Variants in DNAJC5 observed in about 807,000 individuals in gnomAD.
DNAJC5 encodes dnaJ homolog subfamily C member 5.
Under a neutral mutation model 23.2 loss-of-function variants are expected in DNAJC5, and 1 was observed. The ratio of observed to expected loss-of-function variants is 0.04; its 90% CI spans 0.02 to 0.20. The LOEUF is 0.20. Ranked by LOEUF, DNAJC5 falls within the 10% of genes least tolerant of loss-of-function variation. The pLI, the probability that DNAJC5 is intolerant of heterozygous loss-of-function variation, is 1.00. For synonymous variants in DNAJC5, 136 were observed against 120.0 expected (o/e 1.13, Z -0.87); for missense variants, 180 against 267.0 (o/e 0.67, Z 2.27).
intron 1 of DNAJC5, among the ~76,000 whole-genome samples, chr20:63,914,032 G>A (rs1460378336): frequency 6.6e-6 from 1 of 152,068 alleles, no homozygotes; most frequent in African/African-American, 2.4e-5. Flanking sequence ...ATCTTGGGGG[G>A]ACCACAGGAG....
intron 1 of DNAJC5, among the ~76,000 whole-genome samples, chr20:63,899,885 T>G (rs1200436733): frequency 1.4e-5 from 2 of 145,782 alleles, no homozygotes; most frequent in African/African-American, 5.1e-5. Flanking sequence ...CTGGGCTTTT[T>G]TTTTTTTTTT....
intron 1 of DNAJC5, among the ~76,000 whole-genome samples, chr20:63,905,268 A>G (rs2053440524): frequency 1.3e-5 from 2 of 150,594 alleles, no homozygotes; most frequent in Admixed American, 1.3e-4. Context: ...GGTGTGCACC[A>G]CCATGCCCGG....
intron 1 of DNAJC5, among the ~76,000 whole-genome samples, chr20:63,921,242 A>T (rs1309094436): frequency 6.6e-6 from 1 of 152,058 alleles, no homozygotes. Context: ...TACAAGCTTG[A>T]GCCACCGTGC....
intron 1 of DNAJC5, among the ~76,000 whole-genome samples, chr20:63,910,862 G>A (rs1483920526): frequency 2.0e-5 from 3 of 151,890 alleles, no homozygotes; most frequent in East Asian, 1.9e-4. Context: ...TAGTAGAGAC[G>A]GGGGTTCACC....
intron 1 of DNAJC5, chr20:63,919,387 C>T (rs529743067): frequency 2.4e-5 from 12 of 493,684 alleles, no homozygotes; most frequent in South Asian, 1.5e-4. Flanking sequence ...AGGACGCACC[C>T]GGCTGTGTGG....
intron 1 of DNAJC5, among the ~76,000 whole-genome samples, chr20:63,897,277 C>A (rs554904748): frequency 1.1e-4 from 17 of 152,200 alleles, no homozygotes; most frequent in African/African-American, 3.9e-4. Flanking sequence ...GCCTGTAATC[C>A]CAGCTACTAG....
At chr20:63,905,344 G>A (rs879539560) in intron 1 of DNAJC5, among the ~76,000 whole-genome samples, 3 of 151,984 alleles carry the variant, frequency 2.0e-5, no homozygotes, top group Non-Finnish European at 4.4e-5. Flanking sequence ...TCGACCTCCT[G>A]ACCTCAAGTG....
At chr20:63,918,020 C>T (rs971410356) in intron 1 of DNAJC5, among the ~76,000 whole-genome samples, 3 of 152,188 alleles carry the variant, frequency 2.0e-5, no homozygotes, top group Non-Finnish European at 2.9e-5. Flanking sequence ...GTCCGCCCTT[C>T]GCCACCCACC....
intron 1 of DNAJC5, among the ~76,000 whole-genome samples, chr20:63,902,904 C>T (rs937045271): frequency 3.3e-5 from 5 of 151,706 alleles, no homozygotes; most frequent in African/African-American, 1.2e-4. Flanking sequence ...GTCTCGATCT[C>T]CTGACCTCGT....
rs552870087 is a variant in DNAJC5, at chr20:63,934,491, C to T, written c.*2923C>T. 1 of 152,376 alleles carries T rather than the reference C, an allele frequency of 6.6e-6. No individual in the cohort carries two copies. Among genetic ancestry groups the T allele is most frequent in the Non-Finnish European group, 1.5e-5 (1 of 68,066 alleles). The allele number at this position is 152,376 out of a possible 1,614,324, so 9.4% of individuals were successfully genotyped here. On this transcript the variant is annotated 3_prime_UTR_variant, in exon 5 of 5. Transcript: ENST00000360864. ...CGTGCTTTGAGGCCCGTCCGGTTCACGAGGGGGTCCGGGCAGCACTGACTG... is the reference window on the plus strand; with the variant it reads ...CGTGCTTTGAGGCCCGTCCGGTTCATGAGGGGGTCCGGGCAGCACTGACTG...
Position 63,929,635 on chromosome 20 carries a change from C to G in DNAJC5, c.321+110C>G. The G allele has an allele frequency of 9.7e-7, 1 of 1,027,648 alleles. No homozygotes were observed. The highest frequency in any genetic ancestry group is 1.5e-6 in the Non-Finnish European group (1 of 684,170). 63.7% of individuals were successfully genotyped at this position (1,027,648 alleles called of 1,614,324 possible). On this transcript the variant is annotated intron_variant, in intron 3 of 4. Transcript: ENST00000360864. This position sits in a 1 kb window ranked among gnomAD's most constrained non-coding sequence, Gnocchi z 8.6. ...GAGTCACTCCTGCCGTGCGGGCACC[C>G]GAGTCTCTCCTGCCGTGCGGGCACC...
chr20:63,906,326 A>T (rs773192174), intron 1 of DNAJC5, among the ~76,000 whole-genome samples: 3 of 151,944 alleles, frequency 2.0e-5, no homozygotes, highest in Admixed American at 2.0e-4. Flanking sequence ...TTCCATCTCT[A>T]CTAAAAATAT....
rs79417639 is a variant in DNAJC5, at chr20:63,904,565, G to A, written c.-12+9242G>A. On this transcript the variant is annotated intron_variant, in intron 1 of 4. Transcript: ENST00000360864. ...TAGTGTGTCTGACCTCCAGGTGGGC[G>A]GACTGAGATGCGTGCAGGTGTTCAT... is the stretch of plus-strand genomic sequence containing the variant. 3.9e-3 allele frequency among the ~76,000 whole-genome samples: 601 copies of A among 152,240 alleles called. 3 individuals are homozygous for A. The highest frequency in any genetic ancestry group is 0.013 in the African/African-American group (547 of 41,542).
At chr20:63,917,485 T>C (rs2053522703) in intron 1 of DNAJC5, among the ~76,000 whole-genome samples, 1 of 152,156 alleles carries the variant, frequency 6.6e-6, no homozygotes, top group Non-Finnish European at 1.5e-5. Flanking sequence ...ACTCCTGAGC[T>C]CAAGTGACAT....
chr20:63,904,503 A>C (rs2053434631), intron 1 of DNAJC5, among the ~76,000 whole-genome samples: 1 of 152,170 alleles, frequency 6.6e-6, no homozygotes, highest in Admixed American at 6.5e-5. Flanking sequence ...ATAGAATCTG[A>C]AGTGGCCTTG....
chr20:63,931,949 G>A lies in DNAJC5; in HGVS notation c.*381G>A, dbSNP rs560493837. The A allele has an allele frequency of 9.2e-5, 33 of 358,014 alleles. No individual in the cohort carries two copies. In the East Asian group the frequency reaches 2.4e-3, roughly 26 times the overall value. 22.2% of individuals were successfully genotyped at this position (358,014 alleles called of 1,614,324 possible). A position where few individuals can be genotyped will look rare whatever the true frequency, so the allele number is the denominator to read the frequency against. ...GGTCAGGTGGGCGAGGAGAAGGGGG[G>A]CTGCCCCTTTCCTACCTGTGCTTGA... On this transcript the variant is annotated 3_prime_UTR_variant, in exon 5 of 5. Transcript: ENST00000360864. The surrounding 1 kb of genome is among the most constrained non-coding windows in gnomAD (Gnocchi z 9.6).
At chr20:63,895,888 C>T (rs1040041947) in intron 1 of DNAJC5, among the ~76,000 whole-genome samples, 2 of 152,160 alleles carry the variant, frequency 1.3e-5, no homozygotes, top group Non-Finnish European at 2.9e-5. Flanking sequence ...CATTTGAAGC[C>T]ATGCTTTATA....
intron 1 of DNAJC5, among the ~76,000 whole-genome samples, chr20:63,927,108 CAT>C (rs766846292): frequency 9.7e-4 from 148 of 152,316 alleles, no homozygotes; most frequent in Non-Finnish European, 1.8e-3. Flanking sequence ...GAAGCCCTAA[CAT>C]GTGGCTTGTC....
chr20:63,929,333 C>T lies in DNAJC5; in HGVS notation c.129C>T (p.His43=). 1 of 1,614,034 alleles carries T rather than the reference C, an allele frequency of 6.2e-7. No homozygotes were observed. Among genetic ancestry groups the T allele is most frequent in the Non-Finnish European group, 8.5e-7 (1 of 1,179,998 alleles). ...KSYRKLALKY[H]PDKNPDNPEA... ...GCAGGAAGCTTGCCTTGAAATATCA[C>T]CCCGACAAGAACCCCGACAACCCGG... The change falls in exon 3 of 5, where the codon CAC becomes CAT. Residue 43 remains histidine, a synonymous_variant. Coordinates refer to ENST00000360864, the MANE Select transcript of DNAJC5 (RefSeq NM_025219.3). This position sits in a 1 kb window ranked among gnomAD's most constrained non-coding sequence, Gnocchi z 8.6.
Sources: gnomAD v4.1 joint callset for allele counts (sites outside exome capture counted in the v4.1 genomes callset) on GRCh38, gnomAD v4.1.1 for gene constraint, Gnocchi (gnomAD v3.1) non-coding constraint, MANE v1.5 for transcripts, NCBI Gene and HGNC (gene_info 2026-07-23, HGNC 2026-07-21) for gene names.